The following NAALADL2 variants were observed in gnomAD, a reference collection of about 807,000 sequenced individuals.
NAALADL2 encodes inactive N-acetylated-alpha-linked acidic dipeptidase-like protein 2.
Under a neutral mutation model 87.2 loss-of-function variants are expected in NAALADL2, and 76 were observed. That is an observed-to-expected ratio of 0.87 (90% CI 0.72 to 1.05). The LOEUF is 1.05. Ranked by LOEUF, NAALADL2 falls within the 50% of genes least tolerant of loss-of-function variation. The probability of loss-of-function intolerance (pLI) is 0.00; values close to 1 mark genes in which losing one functional copy is unlikely to be tolerated. For missense variants in NAALADL2, 1,089 were observed against 945.8 expected (o/e 1.15, Z -1.99); for synonymous variants, 354 against 331.0 (o/e 1.07, Z -0.75).
At chr3:174,979,429 C>T (rs559395231) in intron 1 of NAALADL2, among the ~76,000 whole-genome samples, 1 of 151,324 alleles carries the variant, frequency 6.6e-6, no homozygotes, top group South Asian at 2.1e-4. Flanking sequence ...CCTCAGTCTC[C>T]CAAGTAGCTG....
intron 4 of NAALADL2, among the ~76,000 whole-genome samples, chr3:175,294,628 TTAACTC>T (rs1430896367): frequency 6.6e-6 from 1 of 152,216 alleles, no homozygotes; most frequent in East Asian, 1.9e-4. Flanking sequence ...CTAAGACTGT[TTAACTC>T]TAAAGTTTAA....
At chr3:175,554,467 G>C (rs1714939178) in intron 9 of NAALADL2, among the ~76,000 whole-genome samples, 2 of 151,852 alleles carry the variant, frequency 1.3e-5, no homozygotes, top group African/African-American at 4.8e-5. Flanking sequence ...GGGTATTTAG[G>C]CTATTTCTAA....
At chr3:175,083,726 G>C (rs1159399005) in intron 1 of NAALADL2, among the ~76,000 whole-genome samples, 1 of 152,122 alleles carries the variant, frequency 6.6e-6, no homozygotes, top group African/African-American at 2.4e-5. Flanking sequence ...GAAGTATGTA[G>C]ATGAGGTATT....
chr3:175,392,632 C>A (rs1381084558), intron 5 of NAALADL2, among the ~76,000 whole-genome samples: 1 of 152,154 alleles, frequency 6.6e-6, no homozygotes, highest in East Asian at 1.9e-4. Flanking sequence ...GCAGCACAAC[C>A]CAATAGGATT....
At chr3:175,322,114 A>C (rs1009266398) in intron 4 of NAALADL2, among the ~76,000 whole-genome samples, 2 of 150,648 alleles carry the variant, frequency 1.3e-5, no homozygotes, top group African/African-American at 4.9e-5. Flanking sequence ...TAACCAAAAC[A>C]GCATGGTACT....
chr3:175,013,183 T>TGTAA (rs1750278880), intron 1 of NAALADL2, among the ~76,000 whole-genome samples: 1 of 96,064 alleles, frequency 1.0e-5, no homozygotes, highest in African/African-American at 6.1e-5. Flanking sequence ...CATATTTATA[T>TGTAA]ATAAATATAT....
intron 4 of NAALADL2, among the ~76,000 whole-genome samples, chr3:175,263,603 G>T (rs1313430524): frequency 6.6e-6 from 1 of 151,828 alleles, no homozygotes; most frequent in African/African-American, 2.4e-5. Context: ...TTGTAATATA[G>T]TTAGCATTCA....
intron 11 of NAALADL2, among the ~76,000 whole-genome samples, chr3:175,636,939 A>T (rs1280793751): frequency 6.6e-6 from 1 of 152,180 alleles, no homozygotes; most frequent in African/African-American, 2.4e-5. Context: ...ATTTGAATGC[A>T]TGCCTCTGTG....
chr3:175,563,945 T>A (rs1716694973), intron 9 of NAALADL2, among the ~76,000 whole-genome samples: 1 of 152,168 alleles, frequency 6.6e-6, no homozygotes. Flanking sequence ...GGATAGCAGT[T>A]AGTTTGGCCC....
intron 8 of NAALADL2, among the ~76,000 whole-genome samples, chr3:175,467,902 G>C (rs1481644214): frequency 6.6e-6 from 1 of 151,974 alleles, no homozygotes; most frequent in East Asian, 1.9e-4. Context: ...GCTGATAATT[G>C]GATTGATAGA....
At chr3:174,806,554 T>G (rs1719524933) in intron 3 of NAALADL2, among the ~76,000 whole-genome samples, 1 of 152,176 alleles carries the variant, frequency 6.6e-6, no homozygotes, top group Non-Finnish European at 1.5e-5. Context: ...GTGTAAAGAT[T>G]TAAACAATCC....
chr3:175,588,926 A>T (rs1283660780), intron 10 of NAALADL2, among the ~76,000 whole-genome samples: 1 of 152,138 alleles, frequency 6.6e-6, no homozygotes, highest in Non-Finnish European at 1.5e-5. Context: ...ATCAACTCCA[A>T]TTTAAAGATT....
intron 2 of NAALADL2, among the ~76,000 whole-genome samples, chr3:174,633,512 T>C (rs1338523035): frequency 1.3e-5 from 2 of 152,166 alleles, no homozygotes; most frequent in African/African-American, 2.4e-5. Context: ...AGACAAGTAG[T>C]GTATGAGGCA....
chr3:175,463,901 C>T (rs2149270244), intron 7 of NAALADL2, among the ~76,000 whole-genome samples: 1 of 152,244 alleles, frequency 6.6e-6, no homozygotes, highest in South Asian at 2.1e-4. Flanking sequence ...TTTCTTTTTC[C>T]TCACTGCAGC....
At chr3:174,753,135 A>C (rs1230125163) in intron 3 of NAALADL2, among the ~76,000 whole-genome samples, 1 of 151,408 alleles carries the variant, frequency 6.6e-6, no homozygotes, top group Non-Finnish European at 1.5e-5. Flanking sequence ...ACAGAATTTC[A>C]CTCTGACACC....
At chr3:175,579,497 C>T (rs1314169294) in intron 10 of NAALADL2, among the ~76,000 whole-genome samples, 3 of 152,154 alleles carry the variant, frequency 2.0e-5, no homozygotes, top group African/African-American at 7.2e-5. Context: ...TTTAGCTTTT[C>T]TTGGCCTCTA....
chr3:175,011,516 A>G (rs1167741558), intron 1 of NAALADL2, among the ~76,000 whole-genome samples: 1 of 152,190 alleles, frequency 6.6e-6, no homozygotes, highest in African/African-American at 2.4e-5. Context: ...TAAGCAGAGA[A>G]GAGAGTTGGA....
At chr3:175,413,863 A>C (rs1180161074) in intron 5 of NAALADL2, among the ~76,000 whole-genome samples, 1 of 152,314 alleles carries the variant, frequency 6.6e-6, no homozygotes, top group South Asian at 2.1e-4. Flanking sequence ...AGGTGCAAGC[A>C]TGTTGAAAAG....
At chr3:175,698,343 ATGTGTATTTATGTATG>A (rs1738333253) in intron 11 of NAALADL2, among the ~76,000 whole-genome samples, 1 of 118,304 alleles carries the variant, frequency 8.5e-6, no homozygotes, top group Admixed American at 8.4e-5. Context: ...GTATATATGT[ATGTGTATTTATGTATG>A]TGTATATATG....
Sources: allele counts gnomAD v4.1 joint callset (sites outside exome capture counted in the v4.1 genomes callset), GRCh38; gene constraint gnomAD v4.1.1; transcripts MANE v1.5; gene names NCBI Gene and HGNC (gene_info 2026-07-23, HGNC 2026-07-21).